VGLL4: variants seen among roughly 807,000 people sequenced by gnomAD.
VGLL4 encodes the protein transcription cofactor vestigial-like protein 4.
VGLL4 carries 7 observed loss-of-function variants against 21.0 expected under a neutral mutation model. That is an observed-to-expected ratio of 0.33 (90% CI 0.19 to 0.63). The LOEUF is 0.63. VGLL4 is among the 20% of genes least tolerant of loss of function. VGLL4 has a pLI of 0.78. For missense variants in VGLL4, 394 were observed against 425.7 expected (o/e 0.93, Z 0.66); for synonymous variants, 222 against 173.2 (o/e 1.28, Z -2.21).
chr3:11,601,372 G>A (rs1043541918), intron 2 of VGLL4, among the ~76,000 whole-genome samples: 6 of 152,182 alleles, frequency 3.9e-5, no homozygotes, highest in Non-Finnish European at 5.9e-5. Flanking sequence ...ACACTTCTTC[G>A]TGTGTACAAT....
At chr3:11,592,397 T>A (rs2074520789) in intron 2 of VGLL4, among the ~76,000 whole-genome samples, 1 of 152,192 alleles carries the variant, frequency 6.6e-6, no homozygotes, top group Non-Finnish European at 1.5e-5. Context: ...TGGGGGCAGC[T>A]GGACAGCACT....
At chr3:11,607,504 G>A (rs2074972903) in intron 1 of VGLL4, 1 of 152,166 alleles carries the variant, frequency 6.6e-6, no homozygotes, top group African/African-American at 2.4e-5. Context: ...AATTGATTGT[G>A]ATAAAAGTTG....
intron 2 of VGLL4, among the ~76,000 whole-genome samples, chr3:11,588,133 G>A (rs778961771): frequency 5.3e-5 from 8 of 152,230 alleles, no homozygotes; most frequent in Non-Finnish European, 7.3e-5. Context: ...AAAGGGAAGA[G>A]TGTTTCCACA....
chr3:11,601,139 G>A (rs1035400026), intron 2 of VGLL4, among the ~76,000 whole-genome samples: 3 of 152,190 alleles, frequency 2.0e-5, no homozygotes, highest in South Asian at 2.1e-4. Context: ...ACATGGTGAC[G>A]TTGCACAGAT....
At chr3:11,563,461 C>T (rs1323461460) in intron 3 of VGLL4, among the ~76,000 whole-genome samples, 1 of 152,226 alleles carries the variant, frequency 6.6e-6, no homozygotes, top group Non-Finnish European at 1.5e-5. Context: ...CTGCTGCTGC[C>T]CAACAGCACA....
chr3:11,596,282 A>G (rs893207119), intron 2 of VGLL4, among the ~76,000 whole-genome samples: 1 of 152,228 alleles, frequency 6.6e-6, no homozygotes, highest in African/African-American at 2.4e-5. Context: ...TATATTTCAA[A>G]TAATACAACA....
rs1037847834 is a variant in VGLL4 at position 11,719,020 on chromosome 3, C to T, written c.-14+1374G>A. On this transcript the variant is annotated intron_variant, in intron 1 of 5. Coordinates refer to the VGLL4 transcript ENST00000273038. The surrounding 1 kb of genome is among the most constrained non-coding windows in gnomAD (Gnocchi z 4.0). The stretch of plus-strand genomic sequence containing the variant: ...GAATCAAAGGAGACTTCAAGCAAAA[C>T]AAAAAGCGAACAGCCCTGTGCTCTT... 9.2e-5 allele frequency among the ~76,000 whole-genome samples: 14 copies of T among 152,172 alleles called. No individual in the cohort carries two copies. The highest frequency in any genetic ancestry group is 2.4e-4 in the African/African-American group (10 of 41,456).
In VGLL4 at chr3:11,640,030, T is replaced by C. The variant is rs568081163; in HGVS notation, c.82+3407A>G. Among the ~76,000 whole-genome samples the C allele has an allele frequency of 2.6e-5, 4 of 152,336 alleles. No homozygotes were observed. In the South Asian group the frequency reaches 8.3e-4, roughly 32 times the overall value. ...CAGAGTTTCCCTCTCTGAGCCTCAC[T>C]TTCCTTGGTGAAAACAAGGCAAAGG... is the stretch of plus-strand genomic sequence containing the variant. On this transcript the variant is annotated intron_variant, in intron 1 of 4. Transcript: ENST00000430365.
At chr3:11,682,028 G>A (rs2076379099) in intron 2 of VGLL4, among the ~76,000 whole-genome samples, 1 of 152,190 alleles carries the variant, frequency 6.6e-6, no homozygotes, top group Non-Finnish European at 1.5e-5. Flanking sequence ...GGGAGGCCAA[G>A]TGGGTGGATC....
At chr3:11,715,311 T>C (rs1292978734) in intron 1 of VGLL4, among the ~76,000 whole-genome samples, 1 of 152,140 alleles carries the variant, frequency 6.6e-6, no homozygotes, top group African/African-American at 2.4e-5. Flanking sequence ...ACTGTAGTTA[T>C]TACCATCAGT....
chr3:11,713,266 C>T lies in VGLL4; in HGVS notation c.-14+7128G>A, dbSNP rs79309737. Among the ~76,000 whole-genome samples, 1,127 of 152,262 alleles carry T rather than the reference C, an allele frequency of 7.4e-3. 13 individuals are homozygous for T. Among genetic ancestry groups the T allele is most frequent in the African/African-American group, 0.025 (1,035 of 41,540 alleles). ...TGTTACCTTTCTAAATAGAAGCCAG[C>T]CCTTATTCAAAATATTCTCTCAATA... On this transcript the variant is annotated intron_variant, in intron 1 of 5. Coordinates refer to the VGLL4 transcript ENST00000273038.
intron 2 of VGLL4, among the ~76,000 whole-genome samples, chr3:11,588,598 C>T (rs1029149908): frequency 3.3e-5 from 5 of 152,318 alleles, no homozygotes; most frequent in South Asian, 2.1e-4. Flanking sequence ...AGGGCACTGC[C>T]GTGCAAACAG....
intron 2 of VGLL4, among the ~76,000 whole-genome samples, chr3:11,672,591 G>C (rs1258188194): frequency 6.6e-6 from 1 of 152,162 alleles, no homozygotes; most frequent in Non-Finnish European, 1.5e-5. Context: ...CTCATCCTGA[G>C]CTGTCACCTC....
intron 1 of VGLL4, among the ~76,000 whole-genome samples, chr3:11,625,333 C>T (rs1384864909): frequency 6.6e-6 from 1 of 152,204 alleles, no homozygotes; most frequent in African/African-American, 2.4e-5. Flanking sequence ...GCCTCTATGA[C>T]AACAAAACTC....
At chr3:11,692,574 G>A (rs897008418) in intron 2 of VGLL4, among the ~76,000 whole-genome samples, 3 of 152,200 alleles carry the variant, frequency 2.0e-5, no homozygotes, top group Non-Finnish European at 4.4e-5. Flanking sequence ...ACATGGTCCA[G>A]TCAGAGGAGG....
chr3:11,597,851 C>T (rs1249445143), intron 2 of VGLL4, among the ~76,000 whole-genome samples: 1 of 152,026 alleles, frequency 6.6e-6, no homozygotes, highest in African/African-American at 2.4e-5. Flanking sequence ...CCTGGTGGTT[C>T]GGTAACAATA....
intron 1 of VGLL4, among the ~76,000 whole-genome samples, chr3:11,717,354 G>C (rs2076933313): frequency 2.6e-5 from 4 of 151,806 alleles, no homozygotes; most frequent in Admixed American, 2.6e-4. Context: ...ATTAAAAGCT[G>C]CACAGCAAAA....
chr3:11,572,853 C>T (rs766474729), intron 2 of VGLL4, among the ~76,000 whole-genome samples: 1 of 152,054 alleles, frequency 6.6e-6, no homozygotes, highest in African/African-American at 2.4e-5. Context: ...CCTGGGCACT[C>T]TTTGGTTTTT....
chr3:11,641,105 G>A (rs547370260), intron 1 of VGLL4, among the ~76,000 whole-genome samples: 52 of 127,320 alleles, frequency 4.1e-4, no homozygotes, highest in African/African-American at 1.5e-3. Context: ...GGACAAGAGC[G>A]AGACTTCATC....
Sources: gnomAD v4.1 joint callset for allele counts (sites outside exome capture counted in the v4.1 genomes callset) on GRCh38, gnomAD v4.1.1 for gene constraint, Gnocchi (gnomAD v3.1) non-coding constraint, MANE v1.5 for transcripts, NCBI Gene and HGNC (gene_info 2026-07-23, HGNC 2026-07-21) for gene names.